XKR4: variants seen among roughly 807,000 people sequenced by gnomAD.
XKR4 encodes the protein XK-related protein 4.
Under a neutral mutation model 53.9 loss-of-function variants are expected in XKR4, and 12 were observed. The observed-to-expected ratio is 0.22, with a 90% CI of 0.14 to 0.36. The LOEUF is 0.36. Among genes scored for constraint, XKR4 ranks in the 10% least tolerant of loss-of-function variants. The probability of loss-of-function intolerance (pLI) is 1.00; values close to 1 mark genes in which losing one functional copy is unlikely to be tolerated. For missense variants in XKR4, 799 were observed against 859.5 expected (o/e 0.93, Z 0.88); for synonymous variants, 354 against 362.4 (o/e 0.98, Z 0.26).
chr8:55,310,877 C>T (rs1819378269), intron 1 of XKR4, among the ~76,000 whole-genome samples: 1 of 152,188 alleles, frequency 6.6e-6, no homozygotes, highest in Non-Finnish European at 1.5e-5. Flanking sequence ...GAAAGGAAAG[C>T]AAAGACCCAC....
At chr8:55,239,277 T>G (rs1818175180) in intron 1 of XKR4, among the ~76,000 whole-genome samples, 1 of 152,212 alleles carries the variant, frequency 6.6e-6, no homozygotes, top group Non-Finnish European at 1.5e-5. Flanking sequence ...TGAAGTATCT[T>G]GTTGTTTGGT....
intron 1 of XKR4, among the ~76,000 whole-genome samples, chr8:55,189,354 T>A (rs996342938): frequency 3.9e-5 from 6 of 152,054 alleles, no homozygotes; most frequent in Admixed American, 3.3e-4. Context: ...AATGTATGAG[T>A]ACGATCATGC....
At chr8:55,161,567 G>A (rs769822548) in intron 1 of XKR4, 6 of 456,144 alleles carry the variant, frequency 1.3e-5, no homozygotes, top group African/African-American at 4.0e-5. Context: ...CTGTCTGTCC[G>A]GTCCTAGACA....
At position 55,165,773 on chromosome 8, in the gene XKR4, C is replaced by G. The variant is rs181934752; in HGVS notation, c.806+62479C>G. 3.0e-4 allele frequency among the ~76,000 whole-genome samples: 44 copies of G among 148,308 alleles called. No homozygotes were observed. In the East Asian group the frequency reaches 8.8e-3, roughly 29 times the overall value. ...TGAGCCGAGATTGTGCCACTGCACT[C>G]CAGCCTGGGCGACAGAGCAAGACTC... On this transcript the variant is annotated intron_variant, in intron 1 of 2. Coordinates refer to ENST00000327381, the MANE Select transcript of XKR4 (RefSeq NM_052898.2).
At chr8:55,279,687 G>T (rs1456053636) in intron 1 of XKR4, among the ~76,000 whole-genome samples, 3 of 152,162 alleles carry the variant, frequency 2.0e-5, no homozygotes, top group Non-Finnish European at 4.4e-5. Flanking sequence ...GAGCCAGTAT[G>T]GTGCTCTGGG....
intron 1 of XKR4, among the ~76,000 whole-genome samples, chr8:55,223,343 A>C (rs1383349250): frequency 2.0e-5 from 3 of 152,176 alleles, no homozygotes; most frequent in Non-Finnish European, 4.4e-5. Context: ...TTCTGAATCT[A>C]TTTATCCAAA....
Position 55,533,012 on chromosome 8 carries a change from G to A in XKR4, c.*8785G>A, listed in dbSNP as rs1439684597. The A allele has an allele frequency of 6.6e-6, 1 of 152,062 alleles. No individual in the cohort carries two copies. Among genetic ancestry groups the A allele is most frequent in the African/African-American group, 2.4e-5 (1 of 41,408 alleles). The allele number at this position is 152,062 out of a possible 1,614,324, so 9.4% of individuals were successfully genotyped here. On this transcript the variant is annotated 3_prime_UTR_variant, in exon 3 of 3. Transcript: ENST00000327381. ...ATTTACCTATTCTAGTGGCATTCTG[G>A]TATGGAGCTGTATCAAATCAACACT...
intron 2 of XKR4, among the ~76,000 whole-genome samples, chr8:55,404,946 C>T (rs778426514): frequency 3.1e-4 from 47 of 152,288 alleles, no homozygotes; most frequent in Middle Eastern, 6.8e-3. Context: ...TTTGATGCTG[C>T]GTTGCGCTGC....
intron 1 of XKR4, among the ~76,000 whole-genome samples, chr8:55,346,081 CTT>C (rs796574998): frequency 7.7e-4 from 106 of 137,610 alleles, no homozygotes; most frequent in African/African-American, 2.6e-3. Context: ...TTTTCTTTTT[CTT>C]TTTTTTTTTT....
At chr8:55,186,747 A>G (rs1277605275) in intron 1 of XKR4, among the ~76,000 whole-genome samples, 1 of 152,214 alleles carries the variant, frequency 6.6e-6, no homozygotes, top group Non-Finnish European at 1.5e-5. Flanking sequence ...TAGAATATAT[A>G]CTTTTTTTTC....
intron 1 of XKR4, among the ~76,000 whole-genome samples, chr8:55,211,091 CT>C (rs1429449954): frequency 6.6e-6 from 1 of 152,178 alleles, no homozygotes; most frequent in Non-Finnish European, 1.5e-5. Flanking sequence ...ATTTTTCAGG[CT>C]GTTCTTTTGT....
chr8:55,489,190 C>T (rs1428028769), intron 2 of XKR4, among the ~76,000 whole-genome samples: 1 of 152,080 alleles, frequency 6.6e-6, no homozygotes, highest in East Asian at 1.9e-4. Context: ...TGTACTGCAT[C>T]GGTAACAAAT....
chr8:55,367,891 C>G (rs903740846), intron 2 of XKR4, among the ~76,000 whole-genome samples: 5 of 152,134 alleles, frequency 3.3e-5, no homozygotes, highest in Non-Finnish European at 7.3e-5. Flanking sequence ...ACTGGTACCC[C>G]CCTTCACCTT....
At chr8:55,226,788 T>C (rs1817958911) in intron 1 of XKR4, among the ~76,000 whole-genome samples, 1 of 152,204 alleles carries the variant, frequency 6.6e-6, no homozygotes, top group Admixed American at 6.5e-5. Flanking sequence ...TAATACCTCT[T>C]GTTTGAAGAA....
At chr8:55,404,087 T>G (rs1412866183) in intron 2 of XKR4, among the ~76,000 whole-genome samples, 1 of 152,222 alleles carries the variant, frequency 6.6e-6, no homozygotes. Flanking sequence ...TAGATGTGTA[T>G]GTGTGCTTTT....
chr8:55,102,411 G>A lies in XKR4; in HGVS notation c.-78G>A. 1 of 1,451,950 alleles carries A rather than the reference G, an allele frequency of 6.9e-7. No homozygotes were observed. The highest frequency in any genetic ancestry group is 9.2e-7 in the Non-Finnish European group (1 of 1,088,878). 89.9% of individuals were successfully genotyped at this position (1,451,950 alleles called of 1,614,324 possible). A position where few individuals can be genotyped will look rare whatever the true frequency, so the allele number is the denominator to read the frequency against. ...CGCCTGGGAGGGAAGCCGGGGCGAG[G>A]CGAGGAGGTGGCGGGAGGAGGAGAC... On this transcript the variant is annotated 5_prime_UTR_variant, in exon 1 of 3. Coordinates refer to ENST00000327381, the MANE Select transcript of XKR4 (RefSeq NM_052898.2). The surrounding 1 kb of genome is among the most constrained non-coding windows in gnomAD (Gnocchi z 5.1).
At chr8:55,112,788 A>T (rs990283677) in intron 1 of XKR4, among the ~76,000 whole-genome samples, 2 of 152,076 alleles carry the variant, frequency 1.3e-5, no homozygotes, top group African/African-American at 4.8e-5. Context: ...CTTCCAGCTC[A>T]TTAATTAACT....
intron 2 of XKR4, among the ~76,000 whole-genome samples, chr8:55,373,081 T>C (rs1195733867): frequency 6.6e-6 from 1 of 152,218 alleles, no homozygotes; most frequent in Non-Finnish European, 1.5e-5. Flanking sequence ...GCACTTTCAT[T>C]GTGATCTTAA....
At chr8:55,175,080 A>T (rs1281806668) in intron 1 of XKR4, among the ~76,000 whole-genome samples, 1 of 152,194 alleles carries the variant, frequency 6.6e-6, no homozygotes, top group Non-Finnish European at 1.5e-5. Context: ...TCAAAATAAG[A>T]CCTCATAAGA....
Sources: gnomAD v4.1 joint callset for allele counts (sites outside exome capture counted in the v4.1 genomes callset) on GRCh38, gnomAD v4.1.1 for gene constraint, Gnocchi (gnomAD v3.1) non-coding constraint, MANE v1.5 for transcripts, NCBI Gene and HGNC (gene_info 2026-07-23, HGNC 2026-07-21) for gene names.